AP3S2: variants seen among roughly 807,000 people sequenced by gnomAD.
AP3S2 encodes AP-3 complex subunit sigma-2.
Under a neutral mutation model 23.4 loss-of-function variants are expected in AP3S2, and 22 were observed. The ratio of observed to expected loss-of-function variants is 0.94; its 90% CI spans 0.67 to 1.34. AP3S2 has a LOEUF of 1.34. Among genes scored for constraint, AP3S2 ranks in the 40% most tolerant of loss-of-function variants. The probability of loss-of-function intolerance (pLI) is 0.00; values close to 1 mark genes in which losing one functional copy is unlikely to be tolerated. For missense variants in AP3S2, 241 were observed against 236.9 expected (o/e 1.02, Z -0.11); for synonymous variants, 86 against 87.1 (o/e 0.99, Z 0.07).
rs922264989 is a variant in AP3S2, at chr15:89,852,860, C to T, written c.346-15138G>A. The stretch of plus-strand genomic sequence containing the variant: ...GGCTCAAAGACTTCCAAAGCTGTAA[C>T]ATCCCTAAACACAAGTTACAAAAAT... On this transcript the variant is annotated intron_variant, in intron 4 of 5. Transcript: ENST00000336418. 1.6e-4 allele frequency among the ~76,000 whole-genome samples: 24 copies of T among 152,266 alleles called. No homozygotes were observed. In the South Asian group the frequency reaches 1.9e-3, roughly 12 times the overall value.
chr15:89,861,139 T>C (rs934062341), intron 4 of AP3S2, among the ~76,000 whole-genome samples: 4 of 152,166 alleles, frequency 2.6e-5, no homozygotes, highest in Admixed American at 2.6e-4. Context: ...GATCCTTTCA[T>C]CTTAGTGCTC....
chr15:89,872,370 T>G (rs1896341541), intron 3 of AP3S2, among the ~76,000 whole-genome samples: 1 of 152,182 alleles, frequency 6.6e-6, no homozygotes, highest in South Asian at 2.1e-4. Context: ...GTTTACAACT[T>G]AAAATTTTTT....
At chr15:89,842,568 C>T (rs72756545) in intron 4 of AP3S2, among the ~76,000 whole-genome samples, 1 of 152,294 alleles carries the variant, frequency 6.6e-6, no homozygotes, top group Non-Finnish European at 1.5e-5. Context: ...GGAACAACAC[C>T]TACAAAATTC....
intron 3 of AP3S2, 63 bp downstream of exon 3, chr15:89,888,458 G>C: frequency 1.3e-6 from 2 of 1,522,048 alleles, no homozygotes; most frequent in Non-Finnish European, 1.8e-6. Flanking sequence ...CTACAGGCTG[G>C]TTACTCAAAA....
In AP3S2 at chr15:89,849,435, A is replaced by G. The variant is rs1271787125; in HGVS notation, c.346-11713T>C. ...AGGCTGGAGTGCAGTGGCACGATCTAGGCTTACTGCAACCTCCACCTCCCA... is the reference window on the plus strand; with the variant it reads ...AGGCTGGAGTGCAGTGGCACGATCTGGGCTTACTGCAACCTCCACCTCCCA... On this transcript the variant is annotated intron_variant, in intron 4 of 5. Transcript: ENST00000336418. 2.6e-5 allele frequency among the ~76,000 whole-genome samples: 4 copies of G among 151,910 alleles called. No individual in the cohort carries two copies. The East Asian group carries it at 7.8e-4, about 29-fold the overall frequency.
chr15:89,844,370 C>G (rs1371311775), intron 4 of AP3S2, among the ~76,000 whole-genome samples: 2 of 150,886 alleles, frequency 1.3e-5, no homozygotes, highest in Admixed American at 6.6e-5. Flanking sequence ...CAGGGTCTTG[C>G]TCTGTCACCC....
At chr15:89,836,546 C>G (rs1406818812) in intron 5 of AP3S2, among the ~76,000 whole-genome samples, 2 of 152,190 alleles carry the variant, frequency 1.3e-5, no homozygotes, top group Non-Finnish European at 2.9e-5. Flanking sequence ...TAAAGAAGAG[C>G]TGGTGACAAA....
intron 4 of AP3S2, among the ~76,000 whole-genome samples, chr15:89,869,682 T>G (rs964507180): frequency 3.3e-5 from 5 of 151,750 alleles, no homozygotes; most frequent in Admixed American, 6.6e-5. Context: ...GAGCAACAGG[T>G]GGCATCTTCA....
chr15:89,868,182 G>A lies in AP3S2; in HGVS notation c.345+3293C>T, dbSNP rs1273198171. On this transcript the variant is annotated intron_variant, in intron 4 of 5. Transcript: ENST00000336418. ...AGGGAGGTGGGGGGGTCAGCCCCCC[G>A]CCTGGCCAGCTGCCCCGTCCGGGAG... is the stretch of plus-strand genomic sequence containing the variant. Among the ~76,000 whole-genome samples, 30 of 56,620 alleles carry A rather than the reference G, an allele frequency of 5.3e-4. 1 individual carries two copies. The highest frequency in any genetic ancestry group is 1.4e-3 in the South Asian group (2 of 1,422). The allele number at this position is 56,620 out of a possible 152,430, so 37.1% of individuals were successfully genotyped here.
At chr15:89,859,294 CTTT>C (rs1376180370) in intron 4 of AP3S2, among the ~76,000 whole-genome samples, 6 of 134,406 alleles carry the variant, frequency 4.5e-5, no homozygotes, top group African/African-American at 1.4e-4. Context: ...TTTTTCTTTT[CTTT>C]TTCTTCCTTC....
chr15:89,840,394 T>C (rs1362714444), intron 4 of AP3S2, among the ~76,000 whole-genome samples: 1 of 152,164 alleles, frequency 6.6e-6, no homozygotes, highest in South Asian at 2.1e-4. Flanking sequence ...AACATTCATC[T>C]AAGGTAGGTA....
intron 1 of AP3S2, among the ~76,000 whole-genome samples, chr15:89,892,866 G>A (rs999498344): frequency 2.6e-5 from 4 of 152,034 alleles, no homozygotes; most frequent in African/African-American, 9.7e-5. Context: ...GGGTTTCACC[G>A]TGTTAGCCAG....
At chr15:89,847,700 T>G (rs146999013) in intron 4 of AP3S2, among the ~76,000 whole-genome samples, 7 of 152,292 alleles carry the variant, frequency 4.6e-5, no homozygotes, top group Non-Finnish European at 8.8e-5. Flanking sequence ...CAAGAAGGCA[T>G]AAGCAAGGTA....
At chr15:89,858,275 T>TA (rs934641256) in intron 4 of AP3S2, among the ~76,000 whole-genome samples, 8 of 149,302 alleles carry the variant, frequency 5.4e-5, no homozygotes, top group South Asian at 2.1e-4. Flanking sequence ...CCGTCTCTAC[T>TA]AAAAAAAAAT....
At chr15:89,873,875 GCTTTT>G (rs1204282251) in intron 3 of AP3S2, among the ~76,000 whole-genome samples, 3 of 128,300 alleles carry the variant, frequency 2.3e-5, no homozygotes, top group African/African-American at 8.8e-5. Flanking sequence ...TTTCTCTGTG[GCTTTT>G]TTTTTTTTTT....
rs1056860546 is a variant in AP3S2 at position 89,833,478 on chromosome 15, C to T, written c.*2037G>A. ...AGGTTACTGGAGCTGGGTCTACTTT[C>T]GTCATCTGCAAAATGGGGATAAGAA... On this transcript the variant is annotated 3_prime_UTR_variant, in exon 6 of 6. Transcript: ENST00000336418. 5 of 152,328 alleles carry T rather than the reference C, an allele frequency of 3.3e-5. No individual in the cohort carries two copies. Among genetic ancestry groups the T allele is most frequent in the South Asian group, 2.1e-4 (1 of 4,832 alleles). 9.4% of individuals were successfully genotyped at this position (152,328 alleles called of 1,614,324 possible).
chr15:89,847,097 C>A (rs1736594067), intron 4 of AP3S2, among the ~76,000 whole-genome samples: 1 of 152,070 alleles, frequency 6.6e-6, no homozygotes, highest in African/African-American at 2.4e-5. Flanking sequence ...TAGATTAAGA[C>A]CAGGCATAGC....
intron 3 of AP3S2, 114 bp downstream of exon 3, chr15:89,888,407 G>T: frequency 1.0e-6 from 1 of 955,536 alleles, no homozygotes. Flanking sequence ...TGGACATCTG[G>T]CAACTTTTAC....
intron 4 of AP3S2, among the ~76,000 whole-genome samples, chr15:89,859,964 C>T (rs1472748375): frequency 1.3e-5 from 2 of 151,968 alleles, no homozygotes; most frequent in African/African-American, 4.8e-5. Context: ...CAGGGTTTCA[C>T]CGTGTTAGCC....
Sources: allele counts gnomAD v4.1 joint callset (sites outside exome capture counted in the v4.1 genomes callset), GRCh38; gene constraint gnomAD v4.1.1; transcripts MANE v1.5; gene names NCBI Gene and HGNC (gene_info 2026-07-23, HGNC 2026-07-21).